SMYD3: variants seen among roughly 807,000 people sequenced by gnomAD.
SMYD3 encodes SET and MYND domain containing 3.
In SMYD3, 36 loss-of-function variants were observed where a neutral mutation model predicts 57.7. The observed-to-expected ratio is 0.62, with a 90% confidence interval of 0.48 to 0.82. The LOEUF (loss-of-function observed/expected upper bound fraction) is 0.82, where lower values mean the gene tolerates loss of function less well. SMYD3 is among the 40% of genes least tolerant of loss of function. SMYD3 has a pLI of 0.00. For synonymous variants in SMYD3, 211 were observed against 195.0 expected (o/e 1.08, Z -0.68); for missense variants, 515 against 538.8 (o/e 0.96, Z 0.44).
chr1:245,920,415 T>C (rs1444583866), intron 7 of SMYD3, among the ~76,000 whole-genome samples: 1 of 152,112 alleles, frequency 6.6e-6, no homozygotes, highest in Non-Finnish European at 1.5e-5. Flanking sequence ...CTGTTAATAC[T>C]GGCTCTGAAC....
intron 5 of SMYD3, among the ~76,000 whole-genome samples, chr1:246,098,989 A>G (rs1417806467): frequency 6.6e-6 from 1 of 152,168 alleles, no homozygotes; most frequent in African/African-American, 2.4e-5. Flanking sequence ...AACATTTCCT[A>G]TTTTGCTTTT....
intron 5 of SMYD3, among the ~76,000 whole-genome samples, chr1:246,199,178 C>T (rs10733108): frequency 0.3 from 46,156 of 151,654 alleles, 8,234 homozygotes; most frequent in East Asian, 0.58. Flanking sequence ...ATGTCCATAA[C>T]TGATGTTTTT....
chr1:246,237,817 C>T (rs999371531), intron 5 of SMYD3, among the ~76,000 whole-genome samples: 12 of 152,102 alleles, frequency 7.9e-5, no homozygotes, highest in African/African-American at 2.9e-4. Context: ...AACTTGATTT[C>T]AGTACACAAA....
intron 5 of SMYD3, among the ~76,000 whole-genome samples, chr1:246,117,269 C>G (rs1386392783): frequency 6.6e-6 from 1 of 152,180 alleles, no homozygotes; most frequent in Non-Finnish European, 1.5e-5. Context: ...AAAGATAGGA[C>G]TTTCCACTTT....
chr1:245,865,772 C>T (rs1343609665), intron 8 of SMYD3, among the ~76,000 whole-genome samples: 1 of 152,202 alleles, frequency 6.6e-6, no homozygotes, highest in East Asian at 1.9e-4. Context: ...CAGCCGCATG[C>T]GGCTGTGGCT....
chr1:246,062,392 T>G (rs1282529147), intron 5 of SMYD3, among the ~76,000 whole-genome samples: 1 of 152,220 alleles, frequency 6.6e-6, no homozygotes, highest in Non-Finnish European at 1.5e-5. Flanking sequence ...CCACAGTGAC[T>G]GCAATTACAG....
At chr1:246,133,713 T>C (rs2061622741) in intron 5 of SMYD3, among the ~76,000 whole-genome samples, 1 of 152,012 alleles carries the variant, frequency 6.6e-6, no homozygotes, top group African/African-American at 2.4e-5. Flanking sequence ...TATTATTTTA[T>C]AAGAAGAAGG....
chr1:245,768,365 G>A (rs2046202399), intron 10 of SMYD3, among the ~76,000 whole-genome samples: 1 of 152,208 alleles, frequency 6.6e-6, no homozygotes, highest in Admixed American at 6.5e-5. Context: ...TTACAGGGAG[G>A]CTGAAAGTCA....
intron 5 of SMYD3, among the ~76,000 whole-genome samples, chr1:246,177,081 T>C (rs1265401420): frequency 6.6e-6 from 1 of 152,210 alleles, no homozygotes; most frequent in Admixed American, 6.5e-5. Flanking sequence ...TAAAGATCTA[T>C]GATTTTATTT....
At chr1:245,942,316 CA>C (rs2057278366) in intron 5 of SMYD3, among the ~76,000 whole-genome samples, 1 of 152,148 alleles carries the variant, frequency 6.6e-6, no homozygotes, top group Non-Finnish European at 1.5e-5. Flanking sequence ...AGAAAAAAAG[CA>C]GGCATTGCAA....
chr1:246,319,309 G>A (rs987742203), intron 5 of SMYD3, among the ~76,000 whole-genome samples: 5 of 152,312 alleles, frequency 3.3e-5, no homozygotes, highest in South Asian at 2.1e-4. Context: ...GATGTGGCAT[G>A]TAGCAGTCAC....
intron 5 of SMYD3, among the ~76,000 whole-genome samples, chr1:246,278,754 C>T (rs1184325992): frequency 6.6e-6 from 1 of 152,082 alleles, no homozygotes; most frequent in Admixed American, 6.6e-5. Context: ...GACACCTGAC[C>T]CACAGAAACC....
At chr1:246,234,991 A>G (rs1378102956) in intron 5 of SMYD3, among the ~76,000 whole-genome samples, 1 of 152,222 alleles carries the variant, frequency 6.6e-6, no homozygotes. Flanking sequence ...CAGATTACTG[A>G]AAAGTGGAAT....
intron 5 of SMYD3, among the ~76,000 whole-genome samples, chr1:246,136,901 G>A (rs553032091): frequency 3.3e-5 from 5 of 152,160 alleles, no homozygotes; most frequent in Non-Finnish European, 5.9e-5. Flanking sequence ...CCAACTGTAT[G>A]CACAGACCTA....
chr1:246,159,115 A>G (rs1012693555), intron 5 of SMYD3, among the ~76,000 whole-genome samples: 2 of 152,182 alleles, frequency 1.3e-5, no homozygotes, highest in East Asian at 3.9e-4. Flanking sequence ...GAAGAATGAG[A>G]GCGCCAACCA....
At chr1:245,823,334 C>T (rs907281119) in intron 10 of SMYD3, among the ~76,000 whole-genome samples, 2 of 122,590 alleles carry the variant, frequency 1.6e-5, no homozygotes, top group African/African-American at 2.6e-5. Context: ...CACACACACG[C>T]GCGCTCGTGC....
chr1:246,207,304 T>C (rs1363312369), intron 5 of SMYD3, among the ~76,000 whole-genome samples: 1 of 152,148 alleles, frequency 6.6e-6, no homozygotes, highest in Non-Finnish European at 1.5e-5. Context: ...TCATTACTTA[T>C]TGTCTGGATG....
chr1:245,845,907 G>C (rs1291431150), intron 10 of SMYD3, among the ~76,000 whole-genome samples: 5 of 152,218 alleles, frequency 3.3e-5, no homozygotes, highest in Non-Finnish European at 7.3e-5. Flanking sequence ...TTTCAAGAAT[G>C]TCTGTCCCAT....
intron 1 of SMYD3, among the ~76,000 whole-genome samples, chr1:246,420,929 CAG>C (rs2067134470): frequency 6.6e-6 from 1 of 152,134 alleles, no homozygotes; most frequent in Non-Finnish European, 1.5e-5. Context: ...TTTTATAAGA[CAG>C]ATCTTTCTAG....
Sources: gnomAD v4.1 joint callset for allele counts (sites outside exome capture counted in the v4.1 genomes callset) on GRCh38, gnomAD v4.1.1 for gene constraint, MANE v1.5 for transcripts, NCBI Gene and HGNC (gene_info 2026-07-23, HGNC 2026-07-21) for gene names.